MPO: variants seen among roughly 807,000 people sequenced by gnomAD.
MPO encodes myeloperoxidase.
MPO carries 57 observed loss-of-function variants against 69.4 expected under a neutral mutation model. The observed-to-expected ratio is 0.82, with a 90% CI of 0.66 to 1.02. The LOEUF is 1.02. MPO is among the 50% of genes least tolerant of loss of function. The probability of loss-of-function intolerance (pLI) is 0.00; values close to 1 mark genes in which losing one functional copy is unlikely to be tolerated. For synonymous variants in MPO, 426 were observed against 417.1 expected, an observed-to-expected ratio of 1.02 and a Z score of -0.26; for missense variants, 971 against 1,014.1, an observed-to-expected ratio of 0.96 and a Z score of 0.58.
At position 58,280,730 on chromosome 17, in the gene MPO, C is replaced by G; in HGVS notation, c.29G>C (p.Arg10Thr). The G allele has an allele frequency of 6.2e-7, 1 of 1,614,250 alleles. No homozygotes were observed. Among genetic ancestry groups the G allele is most frequent in the African/African-American group, 1.3e-5 (1 of 75,050 alleles). ...GCAAGGTCCTAAGTCCACCATGCAT[C>G]TGAGAGAAGAGAAGAAGGGAACCCC... MGVPFFSSL[R>T]CMVDLGPCWA... The change falls in exon 1 of 12, where the codon AGA becomes ACA. Residue 10 changes from arginine (R) to threonine (T), a missense_variant. Arg to Thr is a moderately conservative substitution (Grantham distance 71, BLOSUM62 -1). Coordinates refer to ENST00000225275, the MANE Select transcript of MPO (RefSeq NM_000250.2).
chr17:58,275,152 C>T lies in MPO; in HGVS notation c.1365+390G>A, dbSNP rs1291608996. 2.0e-5 allele frequency among the ~76,000 whole-genome samples: 3 copies of T among 152,088 alleles called. No homozygotes were observed. Among genetic ancestry groups the T allele is most frequent in the African/African-American group, 4.8e-5 (2 of 41,416 alleles). ...TGCTGGGATTACAGGCATGAGCCAC[C>T]GCGCCCAGCCCTATAATTTTTTTAA... On this transcript the variant is annotated intron_variant, in intron 8 of 11. Coordinates refer to ENST00000225275, the MANE Select transcript of MPO (RefSeq NM_000250.2). This position sits in a 1 kb window ranked among gnomAD's most constrained non-coding sequence, Gnocchi z 4.1.
chr17:58,273,406 C>T lies in MPO; in HGVS notation c.1621+8G>A. 1.2e-6 allele frequency: 2 copies of T among 1,614,180 alleles called. No homozygotes were observed. The highest frequency in any genetic ancestry group is 2.2e-5 in the South Asian group (2 of 91,084). ...AGCCCACTCGCTCCTGGCCTAGGTC[C>T]TGCTTACCTTCCAGCACGACCCTCC... is the stretch of plus-strand genomic sequence containing the variant. On this transcript the variant is annotated splice_region_variant and intron_variant, in intron 9 of 11. Transcript: ENST00000225275.
At chr17:58,272,713 G>A in intron 10 of MPO, 35 bp downstream of exon 10, 1 of 1,606,310 alleles carries the variant, frequency 6.2e-7, no homozygotes, top group Non-Finnish European at 8.5e-7. Flanking sequence ...GCTCAGGGGA[G>A]GTGAGCATCA....
At position 58,275,876 on chromosome 17, in the gene MPO, C is replaced by T. The variant is rs55901656; in HGVS notation, c.1205-174G>A. Among the ~76,000 whole-genome samples the T allele has an allele frequency of 1.3e-5, 2 of 152,220 alleles. No individual in the cohort carries two copies. The highest frequency in any genetic ancestry group is 3.8e-4 in the East Asian group (2 of 5,198). ...CTCCTCTAGGAGGCCTTCCCTGATG[C>T]CCCAGTCCACAATGATAGCTTCTGC... On this transcript the variant is annotated intron_variant, in intron 7 of 11. Transcript: ENST00000225275. The surrounding 1 kb of genome is among the most constrained non-coding windows in gnomAD (Gnocchi z 4.1).
At position 58,270,415 on chromosome 17, in the gene MPO, C is replaced by G. The variant is rs1970351506; in HGVS notation, c.*241G>C. On this transcript the variant is annotated 3_prime_UTR_variant, in exon 12 of 12. Coordinates refer to ENST00000225275, the MANE Select transcript of MPO (RefSeq NM_000250.2). The surrounding 1 kb of genome is among the most constrained non-coding windows in gnomAD (Gnocchi z 4.1). ...GTATTCTCATCAGCACAAACACACA[C>G]TCACATAAATGGCACATACACATAA... is the stretch of plus-strand genomic sequence containing the variant. 1 of 537,318 alleles carries G rather than the reference C, an allele frequency of 1.9e-6. No homozygotes were observed. The highest frequency in any genetic ancestry group is 1.9e-5 in the African/African-American group (1 of 53,022). The allele number at this position is 537,318 out of a possible 1,614,324, so 33.3% of individuals were successfully genotyped here.
Position 58,270,540 on chromosome 17 carries a change from C to T in MPO, c.*116G>A. 2 of 870,876 alleles carry T rather than the reference C, an allele frequency of 2.3e-6. No homozygotes were observed. The highest frequency in any genetic ancestry group is 3.8e-6 in the Non-Finnish European group (2 of 528,700). The allele number at this position is 870,876 out of a possible 1,614,324, so 53.9% of individuals were successfully genotyped here. Reference sequence around the variant, plus strand: ...GCACACAAATGAACGTCTAGTCACTCATTTTCTCAGCTGCACCCAGAACAG... The same window carrying T: ...GCACACAAATGAACGTCTAGTCACTTATTTTCTCAGCTGCACCCAGAACAG... On this transcript the variant is annotated 3_prime_UTR_variant, in exon 12 of 12. Coordinates refer to ENST00000225275, the MANE Select transcript of MPO (RefSeq NM_000250.2). This position sits in a 1 kb window ranked among gnomAD's most constrained non-coding sequence, Gnocchi z 4.1.
chr17:58,279,672 A>T (rs1294733765), intron 3 of MPO, 26 bp from the exon 4 acceptor site: 2 of 1,613,852 alleles, frequency 1.2e-6, no homozygotes, highest in African/African-American at 2.7e-5. Context: ...ACAATGGGGG[A>T]GCTGAGCCGC....
At chr17:58,277,002 G>A (rs1164133209) in intron 7 of MPO, among the ~76,000 whole-genome samples, 1 of 152,094 alleles carries the variant, frequency 6.6e-6, no homozygotes, top group Non-Finnish European at 1.5e-5. Flanking sequence ...CAGCTACTCA[G>A]GAGGCTGAGG....
intron 8 of MPO, among the ~76,000 whole-genome samples, chr17:58,274,649 G>A (rs1488507245): frequency 6.6e-6 from 1 of 151,608 alleles, no homozygotes; most frequent in African/African-American, 2.4e-5. Context: ...GCGAAACCCC[G>A]TCTCTACAAA....
In MPO at chr17:58,279,143, G is replaced by C. The variant is rs144431784; in HGVS notation, c.750C>G (p.Leu250=). 8.6e-5 allele frequency: 139 copies of C among 1,612,902 alleles called. 1 individual carries two copies. In the African/African-American group the frequency reaches 1.7e-3, roughly 20 times the overall value. ...DQLTPDQERS[L]MFMQWGQLLD... is the part of the protein sequence containing the mutation. ...ACAGCTGGCCCCATTGCATGAACATGAGTGAGCGCTCCTGGTCCGGAGTCA... is the reference window on the plus strand; with the variant it reads ...ACAGCTGGCCCCATTGCATGAACATCAGTGAGCGCTCCTGGTCCGGAGTCA... Residue 250 remains leucine (L), a synonymous_variant, in exon 6 of 12, where the codon CTC becomes CTG. Coordinates refer to ENST00000225275, the MANE Select transcript of MPO (RefSeq NM_000250.2).
intron 8 of MPO, among the ~76,000 whole-genome samples, chr17:58,274,680 C>T (rs544480304): frequency 4.0e-5 from 6 of 151,586 alleles, no homozygotes; most frequent in Admixed American, 1.3e-4. Context: ...ATTAGCCGGG[C>T]GTGGTGGCCC....
Position 58,278,140 on chromosome 17 carries a change from C to A in MPO, c.891G>T (p.Pro297=). 6.2e-7 allele frequency: 1 copy of A among 1,600,874 alleles called. No homozygotes were observed. The highest frequency in any genetic ancestry group is 8.5e-7 in the Non-Finnish European group (1 of 1,179,868). Residue 297 remains proline, a synonymous_variant, in exon 7 of 12, where the codon CCG becomes CCT. Transcript: ENST00000225275. ...QQPPCFPLKI[P]PNDPRIKNQA... The stretch of plus-strand genomic sequence containing the variant: ...GGTTCTTGATGCGGGGGTCATTGGG[C>A]GGGATCTGAGGCACAGAGAGAGGCT...
intron 1 of MPO, 35 bp from the exon 2 acceptor site, chr17:58,280,494 G>A: frequency 6.2e-7 from 1 of 1,613,444 alleles, no homozygotes; most frequent in South Asian, 1.1e-5. Flanking sequence ...TCAGGAATGG[G>A]CCCCAACCCC....
intron 6 of MPO, among the ~76,000 whole-genome samples, chr17:58,278,455 G>T (rs1044744813): frequency 6.6e-6 from 1 of 152,074 alleles, no homozygotes; most frequent in Middle Eastern, 3.4e-3. Context: ...TCTCCCTCTG[G>T]CCCTGACATT....
At chr17:58,272,102 C>T (rs528425518) in intron 10 of MPO, among the ~76,000 whole-genome samples, 7 of 152,340 alleles carry the variant, frequency 4.6e-5, no homozygotes, top group Admixed American at 3.3e-4. Context: ...CTGGGCCTCT[C>T]TGGGACCCTC....
At chr17:58,279,802 G>A (rs189392639) in intron 3 of MPO, 37 bp downstream of exon 3, 6 of 1,613,772 alleles carry the variant, frequency 3.7e-6, no homozygotes, top group Non-Finnish European at 5.1e-6. Context: ...GGAGTCACTA[G>A]TGGAGCAGGG....
rs1480169558 is a variant in MPO, at chr17:58,271,789, C to T, written c.1896G>A (p.Glu632=). 3.1e-5 allele frequency: 50 copies of T among 1,614,064 alleles called. No individual in the cohort carries two copies. The highest frequency in any genetic ancestry group is 4.2e-5 in the Non-Finnish European group (50 of 1,180,050). ...CGATGTTGTTGGGCGTGCCATACTG[C>T]TCCATCAGTTTCCTCGCCAATTTCA... ...RNLKLARKLM[E]QYGTPNNIDI... is the part of the protein sequence containing the mutation. Residue 632 remains glutamate (E), a synonymous_variant, in exon 11 of 12, where the codon GAG becomes GAA. Coordinates refer to ENST00000225275, the MANE Select transcript of MPO (RefSeq NM_000250.2).
intron 2 of MPO, 128 bp downstream of exon 2, chr17:58,280,238 G>T: frequency 1.9e-6 from 2 of 1,069,636 alleles, no homozygotes; most frequent in Non-Finnish European, 2.8e-6. Flanking sequence ...GGGACAGACA[G>T]ACAGAAAGGG....
chr17:58,270,129 T>C lies in MPO; in HGVS notation c.*527A>G, dbSNP rs1598038134. On this transcript the variant is annotated 3_prime_UTR_variant, in exon 12 of 12. Coordinates refer to ENST00000225275, the MANE Select transcript of MPO (RefSeq NM_000250.2). The surrounding 1 kb of genome is among the most constrained non-coding windows in gnomAD (Gnocchi z 4.1). ...CAGATGGCATCTTGGTATCTCTTTC[T>C]TGCCTCTATATGCTTCTCACGCCTA... 5.1e-6 allele frequency: 1 copy of C among 194,818 alleles called. No individual in the cohort carries two copies. The highest frequency in any genetic ancestry group is 2.3e-5 in the African/African-American group (1 of 43,034). The allele number at this position is 194,818 out of a possible 1,614,324, so 12.1% of individuals were successfully genotyped here. A position where few individuals can be genotyped will look rare whatever the true frequency, so the allele number is the denominator to read the frequency against.
Sources: allele counts gnomAD v4.1 joint callset (sites outside exome capture counted in the v4.1 genomes callset), GRCh38; gene constraint gnomAD v4.1.1; non-coding constraint Gnocchi (gnomAD v3.1); transcripts MANE v1.5; gene names NCBI Gene and HGNC (gene_info 2026-07-23, HGNC 2026-07-21).